ASTN1: variants seen among roughly 807,000 people sequenced by gnomAD.
The protein encoded by ASTN1 is astrotactin 1, also known as astrotactin-1.
Under a neutral mutation model 140.7 loss-of-function variants are expected in ASTN1, and 41 were observed. That is an observed-to-expected ratio of 0.29 (90% CI 0.23 to 0.38). The LOEUF is 0.38. Ranked by LOEUF, ASTN1 falls within the 10% of genes least tolerant of loss-of-function variation. ASTN1 has a pLI of 1.00. For synonymous variants in ASTN1, 640 were observed against 652.2 expected, an observed-to-expected ratio of 0.98 and a Z score of 0.29; for missense variants, 1,479 against 1,678.8, an observed-to-expected ratio of 0.88 and a Z score of 2.08.
intron 8 of ASTN1, among the ~76,000 whole-genome samples, chr1:176,973,247 C>A (rs1673217974): frequency 6.6e-6 from 1 of 152,170 alleles, no homozygotes; most frequent in Non-Finnish European, 1.5e-5. Context: ...CAACTTTCTA[C>A]CTCCTGGATG....
chr1:177,087,246 A>T (rs888248943), intron 1 of ASTN1, among the ~76,000 whole-genome samples: 6 of 152,186 alleles, frequency 3.9e-5, no homozygotes, highest in Admixed American at 3.3e-4. Context: ...GTCAGGCACC[A>T]AGAAGCACCG....
intron 16 of ASTN1, among the ~76,000 whole-genome samples, chr1:176,921,341 G>A (rs1159087091): frequency 6.6e-6 from 1 of 152,154 alleles, no homozygotes; most frequent in Non-Finnish European, 1.5e-5. Context: ...AAAGAAAATG[G>A]CTAGTGGCCA....
At chr1:176,946,543 A>G (rs575015119) in intron 12 of ASTN1, among the ~76,000 whole-genome samples, 1 of 152,354 alleles carries the variant, frequency 6.6e-6, no homozygotes, top group South Asian at 2.1e-4. Context: ...ATAAGGCAGC[A>G]AAAGGAATGA....
intron 2 of ASTN1, among the ~76,000 whole-genome samples, chr1:177,052,238 T>C (rs1012861473): frequency 2.6e-5 from 4 of 152,182 alleles, no homozygotes; most frequent in Admixed American, 2.6e-4. Context: ...GATGCTTTTC[T>C]GACTCTCTAA....
intron 1 of ASTN1, among the ~76,000 whole-genome samples, chr1:177,067,965 G>A (rs1678448900): frequency 6.6e-6 from 1 of 152,132 alleles, no homozygotes; most frequent in Non-Finnish European, 1.5e-5. Flanking sequence ...GAGTTCTTAA[G>A]TGCTAAAATC....
Position 176,864,023 on chromosome 1 carries a change from C to T in ASTN1, c.*261G>A. On this transcript the variant is annotated 3_prime_UTR_variant, in exon 23 of 23. Coordinates refer to ENST00000361833, the MANE Select transcript of ASTN1 (RefSeq NM_004319.3). Reference sequence around the variant, plus strand: ...AAAAATGAATGGAACAAATTAATGGCAAAGCAAACCCCAAAGTAATCCTCT... The same window carrying T: ...AAAAATGAATGGAACAAATTAATGGTAAAGCAAACCCCAAAGTAATCCTCT... The T allele has an allele frequency of 8.0e-7, 1 of 1,256,464 alleles. No individual in the cohort carries two copies. Among genetic ancestry groups the T allele is most frequent in the Non-Finnish European group, 1.0e-6 (1 of 996,816 alleles). The allele number at this position is 1,256,464 out of a possible 1,614,324, so 77.8% of individuals were successfully genotyped here. A position where few individuals can be genotyped will look rare whatever the true frequency, so the allele number is the denominator to read the frequency against.
At chr1:176,879,059 T>C (rs1321080241) in intron 20 of ASTN1, among the ~76,000 whole-genome samples, 1 of 152,144 alleles carries the variant, frequency 6.6e-6, no homozygotes, top group Non-Finnish European at 1.5e-5. Context: ...TGTCAGGAGA[T>C]AGGAAGTCCT....
intron 1 of ASTN1, among the ~76,000 whole-genome samples, chr1:177,078,469 C>T (rs982472357): frequency 5.9e-5 from 9 of 152,128 alleles, no homozygotes. Flanking sequence ...CACTAGATGG[C>T]CTAGATCATG....
chr1:176,992,400 C>G (rs908821011), intron 8 of ASTN1, among the ~76,000 whole-genome samples: 4 of 151,618 alleles, frequency 2.6e-5, no homozygotes, highest in African/African-American at 9.7e-5. Context: ...TGGGTTGGAT[C>G]CTGCCCTTAA....
At chr1:177,159,338 A>C (rs1200247924) in intron 1 of ASTN1, among the ~76,000 whole-genome samples, 2 of 152,172 alleles carry the variant, frequency 1.3e-5, no homozygotes, top group Non-Finnish European at 2.9e-5. Context: ...TTCATCTACT[A>C]TGTCTTGGAT....
intron 1 of ASTN1, among the ~76,000 whole-genome samples, chr1:177,130,587 T>G (rs1268581981): frequency 6.6e-6 from 1 of 152,190 alleles, no homozygotes; most frequent in African/African-American, 2.4e-5. Flanking sequence ...TCATTTTCAT[T>G]GAATCCCTGA....
chr1:176,871,717 A>G (rs1668352229), intron 21 of ASTN1, among the ~76,000 whole-genome samples: 1 of 152,246 alleles, frequency 6.6e-6, no homozygotes, highest in African/African-American at 2.4e-5. Flanking sequence ...TTTCCACAGA[A>G]AGAATTGAGA....
At chr1:176,964,831 C>T (rs1571576619) in intron 9 of ASTN1, among the ~76,000 whole-genome samples, 2 of 152,284 alleles carry the variant, frequency 1.3e-5, no homozygotes, top group East Asian at 3.9e-4. Context: ...CCTGCATTAT[C>T]TCATATATCC....
At chr1:176,928,505 A>G (rs1671067884) in intron 16 of ASTN1, among the ~76,000 whole-genome samples, 1 of 152,222 alleles carries the variant, frequency 6.6e-6, no homozygotes, top group African/African-American at 2.4e-5. Flanking sequence ...CTGTGAGAGC[A>G]TAAAATAGGC....
At chr1:177,129,017 C>A (rs1333446395) in intron 1 of ASTN1, among the ~76,000 whole-genome samples, 3 of 152,166 alleles carry the variant, frequency 2.0e-5, no homozygotes, top group Non-Finnish European at 4.4e-5. Flanking sequence ...GTGTTACCAT[C>A]AGGATTATTT....
chr1:176,897,835 C>A (rs927368770), intron 16 of ASTN1, among the ~76,000 whole-genome samples: 3 of 152,168 alleles, frequency 2.0e-5, no homozygotes, highest in Non-Finnish European at 4.4e-5. Context: ...GGAGTAAACA[C>A]TACTTCAAAG....
Position 177,024,680 on chromosome 1 carries a change from G to C in ASTN1, c.1173C>G (p.Ile391Met). 6.2e-7 allele frequency: 1 copy of C among 1,614,148 alleles called. No homozygotes were observed. The highest frequency in any genetic ancestry group is 1.1e-5 in the South Asian group (1 of 91,076). ...VNKTTLTLIS[I>M]TSCVIGLVCS... ...ACACGAGGCCAATCACACAGCTGGT[G>C]ATGCTGATCAGGGTCAAGGTGGTCT... The change falls in exon 6 of 23, where the codon ATC (isoleucine) becomes ATG (methionine). Residue 391 changes from isoleucine to methionine, a missense_variant. Around this residue, in one of 3 missense-constraint regions of ASTN1, gnomAD observed 729 missense variants for 860.4 expected, o/e 0.85. Transcript: ENST00000361833.
At chr1:176,933,281 C>A (rs1671285355) in intron 16 of ASTN1, among the ~76,000 whole-genome samples, 1 of 152,228 alleles carries the variant, frequency 6.6e-6, no homozygotes, top group Non-Finnish European at 1.5e-5. Context: ...GTCCTGCTGA[C>A]AACAGAGGTC....
At chr1:177,005,366 C>T (rs1053243999) in intron 8 of ASTN1, among the ~76,000 whole-genome samples, 2 of 152,138 alleles carry the variant, frequency 1.3e-5, no homozygotes, top group Non-Finnish European at 2.9e-5. Context: ...AATGCTTATA[C>T]ACTGCTAGTG....
Sources: gnomAD v4.1 joint callset for allele counts (sites outside exome capture counted in the v4.1 genomes callset) on GRCh38, gnomAD v4.1.1 for gene constraint, gnomAD v4.1.1 regional missense constraint, MANE v1.5 for transcripts, NCBI Gene and HGNC (gene_info 2026-07-23, HGNC 2026-07-21) for gene names.